TENM1: variants seen among roughly 807,000 people sequenced by gnomAD.
TENM1 encodes the protein teneurin transmembrane protein 1, also known as teneurin-1.
TENM1 carries 35 observed loss-of-function variants against 174.8 expected under a neutral mutation model. The ratio of observed to expected loss-of-function variants is 0.20; its 90% CI spans 0.15 to 0.27. The LOEUF is 0.27. Among genes scored for constraint, TENM1 ranks in the 10% least tolerant of loss-of-function variants. TENM1 has a pLI of 1.00. For missense variants in TENM1, 1,633 were observed against 2,130.1 expected (o/e 0.77, Z 4.59); for synonymous variants, 781 against 798.7 (o/e 0.98, Z 0.37).
chrX:124,774,233 G>A (rs2054728583), intron 3 of TENM1, among the ~76,000 whole-genome samples: 1 of 111,819 alleles, frequency 8.9e-6, no homozygotes, highest in African/African-American at 3.2e-5. Context: ...GTATCAAAAT[G>A]TGAAACTCAA....
chrX:124,673,975 A>G (rs1158164290), intron 5 of TENM1, among the ~76,000 whole-genome samples: 2 of 111,235 alleles, frequency 1.8e-5, no homozygotes, highest in African/African-American at 6.5e-5. Flanking sequence ...ATTGATGACT[A>G]TTTGAATATG....
the TENM1 span, among the ~76,000 whole-genome samples, chrX:125,047,706 G>A: frequency 9.0e-6 from 1 of 111,351 alleles, no homozygotes; most frequent in East Asian, 2.8e-4. Context: ...TCTCAAATAC[G>A]TAATTTGGTG....
intron 3 of TENM1, among the ~76,000 whole-genome samples, chrX:124,785,973 A>G (rs2055025179): frequency 8.9e-6 from 1 of 111,834 alleles, no homozygotes; most frequent in South Asian, 3.7e-4. Context: ...TAGCGTTTAT[A>G]TAGGGCCCAT....
At chrX:124,626,862 A>T (rs2050649202) in intron 11 of TENM1, among the ~76,000 whole-genome samples, 2 of 112,184 alleles carry the variant, frequency 1.8e-5, no homozygotes, top group South Asian at 7.4e-4. Context: ...GCTGATACTG[A>T]ATAGTAGGAT....
chrX:124,751,119 G>C (rs2054054405), intron 3 of TENM1, among the ~76,000 whole-genome samples: 1 of 111,490 alleles, frequency 9.0e-6, no homozygotes, highest in Non-Finnish European at 1.9e-5. Flanking sequence ...GCTGCTTGAT[G>C]GGCTTGCTTT....
At chrX:125,186,819 C>T in the TENM1 span, among the ~76,000 whole-genome samples, 2 of 111,861 alleles carry the variant, frequency 1.8e-5, no homozygotes, top group Admixed American at 9.5e-5. Flanking sequence ...CTAAGACAGT[C>T]TCCCATGTGC....
intron 3 of TENM1, among the ~76,000 whole-genome samples, chrX:124,769,767 C>A (rs1361303841): frequency 8.9e-6 from 1 of 112,035 alleles, no homozygotes; most frequent in Non-Finnish European, 1.9e-5. Context: ...GTGTATCTAT[C>A]TGACTGAGTG....
rs144494436 is a variant in TENM1 at position 124,591,163 on chromosome X, G to A, written c.2078-25603C>T. Among the ~76,000 whole-genome samples the A allele has an allele frequency of 5.6e-4, 63 of 111,825 alleles. 1 individual carries two copies. In the East Asian group the frequency reaches 0.015, roughly 26 times the overall value. ...AGTCTCTTAAAGATAGCAGATGGATGGGTCTTGTTTTTTTATCCAACTTGT... is the reference window on the plus strand; with the variant it reads ...AGTCTCTTAAAGATAGCAGATGGATAGGTCTTGTTTTTTTATCCAACTTGT... On this transcript the variant is annotated intron_variant, in intron 11 of 31. Transcript: ENST00000422452.
chrX:124,992,150 G>A, the TENM1 span, among the ~76,000 whole-genome samples: 1 of 111,166 alleles, frequency 9.0e-6, no homozygotes, highest in East Asian at 2.9e-4. Context: ...TGCTCAACAT[G>A]CTTACTAGGT....
chrX:124,958,899 G>A (rs10126760), intron 1 of TENM1, among the ~76,000 whole-genome samples: 16,450 of 110,691 alleles, frequency 0.15, 2,996 homozygotes, highest in African/African-American at 0.51. Context: ...AGAAGAAAAA[G>A]CAGATTCAGA....
intron 5 of TENM1, among the ~76,000 whole-genome samples, chrX:124,682,270 TC>T (rs1309441673): frequency 8.9e-6 from 1 of 111,742 alleles, no homozygotes; most frequent in African/African-American, 3.2e-5. Flanking sequence ...AATTAGAGCA[TC>T]CCTAAGATTT....
the TENM1 span, among the ~76,000 whole-genome samples, chrX:125,149,956 A>C: frequency 6.3e-5 from 7 of 111,435 alleles, no homozygotes; most frequent in East Asian, 2.0e-3. Flanking sequence ...TAATTAGACT[A>C]TTGTTTCAGT....
At chrX:124,493,179 G>A (rs2047109576) in intron 20 of TENM1, among the ~76,000 whole-genome samples, 1 of 111,399 alleles carries the variant, frequency 9.0e-6, no homozygotes, top group Non-Finnish European at 1.9e-5. Context: ...TCTTTATACT[G>A]TGAAAATCAG....
exon 32 of TENM1, chrX:124,376,570 C>CT (rs1157935324): frequency 1.8e-5 from 2 of 111,936 alleles, no homozygotes; most frequent in Non-Finnish European, 3.8e-5. Flanking sequence ...AAGTTTAACT[C>CT]TAAGTATTTT....
intron 5 of TENM1, among the ~76,000 whole-genome samples, chrX:124,700,227 A>C (rs2148486670): frequency 9.0e-6 from 1 of 111,378 alleles, no homozygotes; most frequent in African/African-American, 3.3e-5. Context: ...CAGCTATTTC[A>C]GACCAGGCAG....
At chrX:124,420,225 C>T (rs917181216) in intron 25 of TENM1, 86 bp downstream of exon 28, 3 of 1,003,428 alleles carry the variant, frequency 3.0e-6, no homozygotes, top group Non-Finnish European at 4.1e-6. Flanking sequence ...GCATGCAACA[C>T]TCAGCAATTA....
intron 3 of TENM1, among the ~76,000 whole-genome samples, chrX:124,769,418 G>A (rs936779473): frequency 9.0e-6 from 1 of 111,700 alleles, no homozygotes; most frequent in Non-Finnish European, 1.9e-5. Flanking sequence ...TCAGGCCAAC[G>A]TCAGTTTACA....
At chrX:125,042,951 C>T in the TENM1 span, among the ~76,000 whole-genome samples, 1 of 111,382 alleles carries the variant, frequency 9.0e-6, no homozygotes, top group African/African-American at 3.3e-5. Context: ...ATTGCATTTA[C>T]TTGCAAGGAA....
rs147619122 is a variant in TENM1, at chrX:124,714,719, A to C, written c.777-9468T>G. 3.5e-3 allele frequency among the ~76,000 whole-genome samples: 396 copies of C among 111,688 alleles called. 3 individuals are homozygous for C. The highest frequency in any genetic ancestry group is 0.012 in the African/African-American group (366 of 30,832). On this transcript the variant is annotated intron_variant, in intron 4 of 31. Transcript: ENST00000422452. ...ATTAAATATAACTAAATATAAATTC[A>C]ACATTCTTTAACAGGATGTTTAGAG...
Sources: gnomAD v4.1 joint callset for allele counts (sites outside exome capture counted in the v4.1 genomes callset) on GRCh38, gnomAD v4.1.1 for gene constraint, MANE v1.5 for transcripts, NCBI Gene and HGNC (gene_info 2026-07-23, HGNC 2026-07-21) for gene names.